Variants in LRRC72 observed in about 807,000 individuals in gnomAD.
LRRC72 encodes leucine rich repeat containing 72, also known as leucine-rich repeat-containing protein 72.
Under a neutral mutation model 35.8 loss-of-function variants are expected in LRRC72, and 41 were observed. That is an observed-to-expected ratio of 1.15 (90% CI 0.89 to 1.49). The LOEUF is 1.49. Among genes scored for constraint, LRRC72 ranks in the 40% most tolerant of loss-of-function variants. LRRC72 has a pLI of 0.00. For missense variants in LRRC72, 389 were observed against 330.7 expected (o/e 1.18, Z -1.37); for synonymous variants, 118 against 119.2 (o/e 0.99, Z 0.07).
intron 5 of LRRC72, among the ~76,000 whole-genome samples, chr7:16,565,033 G>A (rs1266779975): frequency 6.6e-6 from 1 of 152,108 alleles, no homozygotes; most frequent in Non-Finnish European, 1.5e-5. Context: ...ATTGAGTGAA[G>A]GAGTTGTGCG....
At chr7:16,575,335 C>T (rs1315087132) in intron 7 of LRRC72, among the ~76,000 whole-genome samples, 1 of 152,106 alleles carries the variant, frequency 6.6e-6, no homozygotes, top group African/African-American at 2.4e-5. Flanking sequence ...CACTTAGAAA[C>T]TTGTTACCAA....
intron 5 of LRRC72, 103 bp from the exon 6 acceptor site, chr7:16,566,210 T>C: frequency 1.5e-6 from 1 of 654,178 alleles, no homozygotes; most frequent in Non-Finnish European, 2.4e-6. Flanking sequence ...GCTTTACAAG[T>C]TCTTATGTTT....
At position 16,566,389 on chromosome 7, in the gene LRRC72, G is replaced by A; in HGVS notation, c.504G>A (p.Leu168=). The change falls in exon 6 of 9, where the codon CTG becomes CTA. Residue 168 remains leucine (L), a synonymous_variant. Coordinates refer to ENST00000401542, the MANE Select transcript of LRRC72 (RefSeq NM_001195280.2). Reference sequence around the variant, plus strand: ...TCTACCACCTTCCAGGAGTGGAGCTGCTTGACCGAAATCGTAAGGACCCTT... The same window carrying A: ...TCTACCACCTTCCAGGAGTGGAGCTACTTGACCGAAATCGTAAGGACCCTT... ...YIIYHLPGVE[L]LDRNQVTEKE... 3.9e-6 allele frequency: 6 copies of A among 1,544,204 alleles called. No homozygotes were observed. Among genetic ancestry groups the A allele is most frequent in the African/African-American group, 1.4e-5 (1 of 72,940 alleles).
chr7:16,564,389 A>G (rs1554395997), intron 5 of LRRC72, among the ~76,000 whole-genome samples: 2 of 151,890 alleles, frequency 1.3e-5, no homozygotes, highest in Non-Finnish European at 2.9e-5. Flanking sequence ...TGGCTCTTTT[A>G]TTAGTGGTTT....
intron 3 of LRRC72, among the ~76,000 whole-genome samples, chr7:16,552,934 A>G (rs952534383): frequency 6.6e-6 from 1 of 152,208 alleles, no homozygotes; most frequent in Non-Finnish European, 1.5e-5. Flanking sequence ...TGGGTAAATT[A>G]CTTAACCTTT....
chr7:16,544,881 A>G (rs1782419018), intron 3 of LRRC72, among the ~76,000 whole-genome samples: 1 of 152,254 alleles, frequency 6.6e-6, no homozygotes, highest in African/African-American at 2.4e-5. Context: ...GCAAAAACCA[A>G]TGGTTAATGC....
intron 3 of LRRC72, among the ~76,000 whole-genome samples, chr7:16,540,162 G>A (rs1199417031): frequency 2.6e-5 from 4 of 152,222 alleles, no homozygotes; most frequent in African/African-American, 7.2e-5. Context: ...CAGGGGCAGA[G>A]CTGCCCAAGG....
intron 8 of LRRC72, among the ~76,000 whole-genome samples, chr7:16,580,438 T>G: frequency 6.6e-6 from 1 of 151,910 alleles, no homozygotes; most frequent in East Asian, 1.9e-4. Context: ...AGGTCAGGAG[T>G]TCGAGACCAG....
In LRRC72 at chr7:16,581,383, T is replaced by C. The variant is rs768488761; in HGVS notation, c.758T>C (p.Met253Thr). Residue 253 changes from methionine (M) to threonine (T), a missense_variant, in exon 9 of 9, where the codon ATG (methionine) becomes ACG (threonine). Transcript: ENST00000401542. ...GTGAGGTCCATGAAGAGATCAGTGA[T>C]GACTTTGACCTCTATGAACTGGGAC... Reference protein sequence around the residue: ...VFVRSMKRSVMTLTSMNWDTV... With the variant: ...VFVRSMKRSVTTLTSMNWDTV... 1.9e-6 allele frequency: 3 copies of C among 1,549,660 alleles called. No individual in the cohort carries two copies. The highest frequency in any genetic ancestry group is 1.2e-5 in the South Asian group (1 of 83,698).
chr7:16,579,388 C>A (rs533075545), intron 7 of LRRC72, among the ~76,000 whole-genome samples: 2 of 152,240 alleles, frequency 1.3e-5, no homozygotes, highest in East Asian at 3.9e-4. Flanking sequence ...GCTTTGTGGT[C>A]GCTGCTGCTT....
Position 16,557,446 on chromosome 7 carries a change from G to A in LRRC72, c.316+5G>A, listed in dbSNP as rs1297451668. Reference sequence around the variant, plus strand: ...ATGCAATATTTGAGATAGAAGGTACGTCTTAAATTCTCTGTTGATTTAATA... The same window carrying A: ...ATGCAATATTTGAGATAGAAGGTACATCTTAAATTCTCTGTTGATTTAATA... On this transcript the variant is annotated splice_donor_5th_base_variant and intron_variant, in intron 4 of 8. Coordinates refer to ENST00000401542, the MANE Select transcript of LRRC72 (RefSeq NM_001195280.2). The A allele has an allele frequency of 2.5e-5, 29 of 1,158,792 alleles. No homozygotes were observed. Among genetic ancestry groups the A allele is most frequent in the East Asian group, 9.4e-5 (3 of 31,892 alleles). 71.8% of individuals were successfully genotyped at this position (1,158,792 alleles called of 1,614,324 possible).
chr7:16,533,162 A>C (rs544413927), intron 2 of LRRC72, among the ~76,000 whole-genome samples: 51 of 152,208 alleles, frequency 3.4e-4, no homozygotes, highest in African/African-American at 1.2e-3. Context: ...TATTATTAGG[A>C]ATCATTATAC....
chr7:16,571,649 G>A (rs1444013717), intron 7 of LRRC72, among the ~76,000 whole-genome samples: 2 of 152,170 alleles, frequency 1.3e-5, no homozygotes, highest in Non-Finnish European at 2.9e-5. Context: ...CTTGGGGAAC[G>A]GAGCTATCCG....
At chr7:16,531,817 T>G (rs750923036) in intron 1 of LRRC72, among the ~76,000 whole-genome samples, 15 of 152,232 alleles carry the variant, frequency 9.9e-5, no homozygotes, top group Non-Finnish European at 1.8e-4. Flanking sequence ...AAATAGCTGT[T>G]GCTAAAGTTT....
intron 3 of LRRC72, among the ~76,000 whole-genome samples, chr7:16,543,360 T>C (rs1419375333): frequency 6.6e-6 from 1 of 152,224 alleles, no homozygotes; most frequent in Non-Finnish European, 1.5e-5. Context: ...GTGAATATTT[T>C]AGCTACCCTC....
chr7:16,578,612 T>C (rs1783087323), intron 7 of LRRC72, among the ~76,000 whole-genome samples: 1 of 152,250 alleles, frequency 6.6e-6, no homozygotes, highest in South Asian at 2.1e-4. Flanking sequence ...TACATGTATG[T>C]GTGTGAGTAC....
chr7:16,565,321 T>C (rs1053171216), intron 5 of LRRC72, among the ~76,000 whole-genome samples: 1 of 151,714 alleles, frequency 6.6e-6, no homozygotes, highest in Non-Finnish European at 1.5e-5. Context: ...TAATCCCAGC[T>C]ACTCAGGAGG....
At chr7:16,535,157 C>G (rs568442663) in intron 2 of LRRC72, among the ~76,000 whole-genome samples, 2 of 152,170 alleles carry the variant, frequency 1.3e-5, no homozygotes, top group South Asian at 4.2e-4. Flanking sequence ...CCACTGTACT[C>G]CAGCCTGGGC....
chr7:16,559,943 C>T (rs1008603130), intron 5 of LRRC72, among the ~76,000 whole-genome samples: 1 of 151,060 alleles, frequency 6.6e-6, no homozygotes, highest in Non-Finnish European at 1.5e-5. Context: ...AAACTTTATT[C>T]ATATATATTG....
Sources: gnomAD v4.1 joint callset for allele counts (sites outside exome capture counted in the v4.1 genomes callset) on GRCh38, gnomAD v4.1.1 for gene constraint, MANE v1.5 for transcripts, NCBI Gene and HGNC (gene_info 2026-07-23, HGNC 2026-07-21) for gene names.